The following ACVR2A variants were observed in gnomAD, a reference collection of about 807,000 sequenced individuals.
ACVR2A encodes activin A receptor type 2A, also known as activin receptor type-2A.
In ACVR2A, 7 loss-of-function variants were observed where a neutral mutation model predicts 61.4. The observed-to-expected ratio is 0.11, with a 90% CI of 0.06 to 0.21. The LOEUF (loss-of-function observed/expected upper bound fraction) is 0.21, where lower values mean the gene tolerates loss of function less well. Among genes scored for constraint, ACVR2A ranks in the 10% least tolerant of loss-of-function variants. The pLI is 1.00. For missense variants in ACVR2A, 322 were observed against 621.7 expected, an observed-to-expected ratio of 0.52 and a Z score of 5.13; for synonymous variants, 193 against 208.3, an observed-to-expected ratio of 0.93 and a Z score of 0.63.
chr2:147,904,335 C>T (rs905124827), intron 4 of ACVR2A, among the ~76,000 whole-genome samples: 4 of 151,806 alleles, frequency 2.6e-5, no homozygotes, highest in South Asian at 2.1e-4. Context: ...AGTAAAATGG[C>T]GCCGCTTTCA....
intron 9 of ACVR2A, chr2:147,925,617 T>C (rs1687483992): frequency 6.4e-6 from 1 of 155,412 alleles, no homozygotes; most frequent in African/African-American, 2.4e-5. Context: ...AACATGGTTA[T>C]AATAGATTGA....
In ACVR2A at chr2:147,923,063, A is replaced by G. The variant is rs764714880; in HGVS notation, c.1168A>G (p.Met390Val). The change falls in exon 9 of 11, where the codon ATG becomes GTG. Residue 390 changes from methionine (M) to valine (V), a missense_variant. Transcript: ENST00000241416. ...DAFLRIDMYAMGLVLWELASR... is the reference protein window; with the variant it reads ...DAFLRIDMYAVGLVLWELASR... Reference sequence around the variant, plus strand: ...ATTTTTGAGGATAGATATGTATGCCATGGGATTAGTCCTATGGGAACTGGC... The same window carrying G: ...ATTTTTGAGGATAGATATGTATGCCGTGGGATTAGTCCTATGGGAACTGGC... 5.0e-6 allele frequency: 8 copies of G among 1,613,556 alleles called. No individual in the cohort carries two copies. The highest frequency in any genetic ancestry group is 6.8e-6 in the Non-Finnish European group (8 of 1,179,610).
chr2:147,929,018 T>C lies in ACVR2A; in HGVS notation c.*1744T>C, dbSNP rs1488969339. On this transcript the variant is annotated 3_prime_UTR_variant, in exon 11 of 11. Transcript: ENST00000241416. ...CACAGTACACTACATTTTACATATA[T>C]GTACGTAATCTCTGGGAATAGTAAA... 1 of 152,428 alleles carries C rather than the reference T, an allele frequency of 6.6e-6. No homozygotes were observed. The highest frequency in any genetic ancestry group is 2.4e-5 in the African/African-American group (1 of 41,430). The allele number at this position is 152,428 out of a possible 1,614,324, so 9.4% of individuals were successfully genotyped here. A position where few individuals can be genotyped will look rare whatever the true frequency, so the allele number is the denominator to read the frequency against.
chr2:147,926,875 TC>T (rs1687512550), intron 10 of ACVR2A, among the ~76,000 whole-genome samples: 1 of 151,800 alleles, frequency 6.6e-6, no homozygotes, highest in Non-Finnish European at 1.5e-5. Context: ...TTAAAAAAAT[TC>T]CTCTTGTGAT....
chr2:147,903,429 C>G (rs912153775), intron 4 of ACVR2A, among the ~76,000 whole-genome samples: 4 of 151,842 alleles, frequency 2.6e-5, no homozygotes, highest in African/African-American at 9.7e-5. Context: ...ATTATTACTC[C>G]TAAGGCTAAG....
chr2:147,915,356 C>T (rs1168224597), intron 5 of ACVR2A, 22 bp downstream of exon 5: 2 of 1,609,666 alleles, frequency 1.2e-6, no homozygotes, highest in Admixed American at 3.4e-5. Context: ...GCAGTTTTGT[C>T]ATCTTACATA....
chr2:147,854,827 G>C (rs746476473), intron 1 of ACVR2A, among the ~76,000 whole-genome samples: 1 of 152,092 alleles, frequency 6.6e-6, no homozygotes. Context: ...ACAGGGTGCC[G>C]AGAGGATTAC....
intron 4 of ACVR2A, among the ~76,000 whole-genome samples, chr2:147,910,492 A>G (rs1050172949): frequency 3.3e-5 from 5 of 152,132 alleles, no homozygotes; most frequent in Non-Finnish European, 7.4e-5. Flanking sequence ...AATTATAAAT[A>G]CTCTTGAATC....
intron 1 of ACVR2A, among the ~76,000 whole-genome samples, chr2:147,880,232 G>A (rs1686267540): frequency 6.6e-6 from 1 of 151,932 alleles, no homozygotes; most frequent in South Asian, 2.1e-4. Context: ...TTTATAGTAG[G>A]TTCTTGCTAT....
intron 1 of ACVR2A, 121 bp downstream of exon 1, chr2:147,845,328 T>G: frequency 5.9e-6 from 3 of 511,778 alleles, no homozygotes; most frequent in Non-Finnish European, 3.0e-6. Context: ...GCCCACTCCC[T>G]GCGCCCCTCG....
chr2:147,926,594 G>GA (rs1473592672), intron 10 of ACVR2A, among the ~76,000 whole-genome samples: 3 of 151,870 alleles, frequency 2.0e-5, no homozygotes, highest in Non-Finnish European at 4.4e-5. Flanking sequence ...TCTTAATAGT[G>GA]CTTTAAAACT....
At chr2:147,845,262 T>TGCTGGGGGCCGCG (rs1685277754) in intron 1 of ACVR2A, 55 bp downstream of exon 1, 2 of 1,515,880 alleles carry the variant, frequency 1.3e-6, no homozygotes, top group Non-Finnish European at 1.8e-6. Context: ...CGGCGGCCGC[T>TGCTGGGGGCCGCG]GCTGGGGGCC....
intron 4 of ACVR2A, among the ~76,000 whole-genome samples, chr2:147,901,826 T>C: frequency 6.6e-6 from 1 of 152,028 alleles, no homozygotes; most frequent in East Asian, 1.9e-4. Flanking sequence ...AACTTCACTT[T>C]TGTCATCTTT....
chr2:147,878,418 C>T (rs1450351669), intron 1 of ACVR2A, among the ~76,000 whole-genome samples: 2 of 151,388 alleles, frequency 1.3e-5, no homozygotes, highest in Non-Finnish European at 2.9e-5. Context: ...AGTGGACAGA[C>T]ATGACTTTTA....
intron 4 of ACVR2A, among the ~76,000 whole-genome samples, chr2:147,910,790 T>G (rs1005295261): frequency 6.6e-6 from 1 of 152,182 alleles, no homozygotes; most frequent in Non-Finnish European, 1.5e-5. Context: ...GATGTGTGAT[T>G]ACTTGTTCCC....
chr2:147,919,272 G>GTA (rs1687323902), intron 7 of ACVR2A, among the ~76,000 whole-genome samples: 3 of 152,126 alleles, frequency 2.0e-5, no homozygotes, highest in African/African-American at 7.2e-5. Context: ...AGGCATTATT[G>GTA]TAAGTCAGCC....
At chr2:147,848,573 A>AG (rs1276408947) in intron 1 of ACVR2A, among the ~76,000 whole-genome samples, 1 of 152,168 alleles carries the variant, frequency 6.6e-6, no homozygotes, top group Non-Finnish European at 1.5e-5. Context: ...AGAAAACCAA[A>AG]TACCACATGT....
intron 1 of ACVR2A, among the ~76,000 whole-genome samples, chr2:147,852,243 T>C (rs1042830213): frequency 1.3e-5 from 2 of 152,058 alleles, no homozygotes; most frequent in Admixed American, 6.5e-5. Context: ...TAGGGGTGTA[T>C]GTATATATGT....
intron 1 of ACVR2A, among the ~76,000 whole-genome samples, chr2:147,871,632 C>T (rs1686021296): frequency 6.6e-6 from 1 of 152,094 alleles, no homozygotes; most frequent in Non-Finnish European, 1.5e-5. Context: ...TGTAGAATAG[C>T]TGCTCTTATG....
Sources: allele counts gnomAD v4.1 joint callset (sites outside exome capture counted in the v4.1 genomes callset), GRCh38; gene constraint gnomAD v4.1.1; transcripts MANE v1.5; gene names NCBI Gene and HGNC (gene_info 2026-07-23, HGNC 2026-07-21).